The following ABLIM2 variants were observed in gnomAD, a reference collection of about 807,000 sequenced individuals.
ABLIM2 encodes actin binding LIM protein family member 2.
In ABLIM2, 53 loss-of-function variants were observed where a neutral mutation model predicts 97.7. The ratio of observed to expected loss-of-function variants is 0.54; its 90% CI spans 0.44 to 0.68. The LOEUF is 0.68. Among genes scored for constraint, ABLIM2 ranks in the 30% least tolerant of loss-of-function variants. The probability of loss-of-function intolerance (pLI) is 0.00; values close to 1 mark genes in which losing one functional copy is unlikely to be tolerated. For synonymous variants in ABLIM2, 361 were observed against 345.8 expected (o/e 1.04, Z -0.49); for missense variants, 835 against 867.2 (o/e 0.96, Z 0.47).
intron 17 of ABLIM2, among the ~76,000 whole-genome samples, chr4:7,989,025 T>G (rs1156373919): frequency 1.3e-5 from 2 of 151,878 alleles, no homozygotes; most frequent in Non-Finnish European, 2.9e-5. Flanking sequence ...TTGTACTATT[T>G]AATTTTTCTG....
intron 1 of ABLIM2, among the ~76,000 whole-genome samples, chr4:8,111,183 A>C (rs114114893): frequency 1.6e-3 from 243 of 152,358 alleles, no homozygotes; most frequent in African/African-American, 5.7e-3. Flanking sequence ...GCATGCCATC[A>C]CACCATGAGA....
intron 1 of ABLIM2, among the ~76,000 whole-genome samples, chr4:8,142,352 C>T (rs939175263): frequency 6.6e-6 from 1 of 152,132 alleles, no homozygotes; most frequent in African/African-American, 2.4e-5. Context: ...CCAACATCAC[C>T]CCTGGGGCCA....
rs967879151 is a variant in ABLIM2, at chr4:8,082,504, A to G, written c.455-1702T>C. ...AGAGGCTGCTTCCCTGCGTGGCTTCATTAGTTTCTTTTGGCAGAGACCTGA... is the reference window on the plus strand; with the variant it reads ...AGAGGCTGCTTCCCTGCGTGGCTTCGTTAGTTTCTTTTGGCAGAGACCTGA... On this transcript the variant is annotated intron_variant, in intron 4 of 20. Transcript: ENST00000447017. The surrounding 1 kb of genome is among the most constrained non-coding windows in gnomAD (Gnocchi z 5.6). 6.6e-5 allele frequency among the ~76,000 whole-genome samples: 10 copies of G among 152,218 alleles called. No individual in the cohort carries two copies. The highest frequency in any genetic ancestry group is 3.3e-4 in the Admixed American group (5 of 15,282).
In ABLIM2 at chr4:8,003,706, C is replaced by A. The variant is rs1053624240; in HGVS notation, c.1618+4353G>T. On this transcript the variant is annotated intron_variant, in intron 16 of 20. Transcript: ENST00000447017. This position sits in a 1 kb window ranked among gnomAD's most constrained non-coding sequence, Gnocchi z 4.2. ...TCAGCCTCCCAAGTAGCTGAGATTA[C>A]AGGTATCCTCCACCATGCCTGGCTG... 6.6e-6 allele frequency among the ~76,000 whole-genome samples: 1 copy of A among 151,906 alleles called. No individual in the cohort carries two copies. The highest frequency in any genetic ancestry group is 1.5e-5 in the Non-Finnish European group (1 of 67,998).
At chr4:8,117,448 C>T (rs901872293) in intron 1 of ABLIM2, among the ~76,000 whole-genome samples, 1 of 151,726 alleles carries the variant, frequency 6.6e-6, no homozygotes, top group African/African-American at 2.4e-5. Flanking sequence ...CCACCCACTG[C>T]AGACTCCACC....
At position 8,069,464 on chromosome 4, in the gene ABLIM2, C is replaced by T. The variant is rs184382908; in HGVS notation, c.675+8164G>A. On this transcript the variant is annotated intron_variant, in intron 6 of 20. Coordinates refer to ENST00000447017, the MANE Select transcript of ABLIM2 (RefSeq NM_001130083.2). This position sits in a 1 kb window ranked among gnomAD's most constrained non-coding sequence, Gnocchi z 4.2. ...GGACCAGGGGACGCAAGGGAGGACA[C>T]GACAGGCCAGCGTGGAAGGGTAGGA... 5.7e-3 allele frequency among the ~76,000 whole-genome samples: 870 copies of T among 152,334 alleles called. 6 individuals carry two copies. The highest frequency in any genetic ancestry group is 9.5e-3 in the Non-Finnish European group (644 of 68,040).
chr4:8,026,752 G>C (rs1275228466), intron 12 of ABLIM2, among the ~76,000 whole-genome samples: 2 of 152,246 alleles, frequency 1.3e-5, no homozygotes, highest in Admixed American at 1.3e-4. Context: ...CAGTGCTGGA[G>C]GCTGCACATC....
intron 1 of ABLIM2, among the ~76,000 whole-genome samples, chr4:8,146,123 ACCACCAG>A (rs1359939846): frequency 1.3e-5 from 2 of 152,206 alleles, no homozygotes; most frequent in Non-Finnish European, 2.9e-5. Flanking sequence ...TTCTTCGTCT[ACCACCAG>A]CCTTCACATA....
At chr4:8,098,308 C>T (rs1832737121) in intron 2 of ABLIM2, among the ~76,000 whole-genome samples, 2 of 152,244 alleles carry the variant, frequency 1.3e-5, no homozygotes, top group African/African-American at 4.8e-5. Context: ...ATGTAGCCCT[C>T]ATACATTTTA....
Position 8,106,495 on chromosome 4 carries a change from T to C in ABLIM2, c.153A>G (p.Lys51=). 1 of 1,593,582 alleles carries C rather than the reference T, an allele frequency of 6.3e-7. No homozygotes were observed. The highest frequency in any genetic ancestry group is 1.1e-5 in the South Asian group (1 of 87,546). The change falls in exon 2 of 21, where the codon AAA becomes AAG. Residue 51 remains lysine, a splice_region_variant and synonymous_variant. Coordinates refer to ENST00000447017, the MANE Select transcript of ABLIM2 (RefSeq NM_001130083.2). ...TGCAGGGGACCGGGGGACACTCACC[T>C]TTACAGACGAAGCACTTGATGTGGA... The part of the protein sequence containing the change: ...KYFHIKCFVC[K]ACGCDLAEGG...
intron 5 of ABLIM2, among the ~76,000 whole-genome samples, chr4:8,078,194 C>G (rs938553718): frequency 5.3e-5 from 8 of 152,240 alleles, no homozygotes; most frequent in African/African-American, 1.9e-4. Flanking sequence ...CAAGACTTTA[C>G]TGTCCCCCCT....
chr4:8,017,410 C>T (rs1770195111), intron 14 of ABLIM2, among the ~76,000 whole-genome samples: 1 of 152,018 alleles, frequency 6.6e-6, no homozygotes, highest in African/African-American at 2.4e-5. Flanking sequence ...CCTCAGCCTC[C>T]CGAGTAGCTG....
In ABLIM2 at chr4:8,085,084, C is replaced by G. The variant is rs1194343070; in HGVS notation, c.454+3085G>C. On this transcript the variant is annotated intron_variant, in intron 4 of 20. Transcript: ENST00000447017. The surrounding 1 kb of genome is among the most constrained non-coding windows in gnomAD (Gnocchi z 6.1). ...TGTTCGCTGCTCCTTCTGGAAGAAG[C>G]CTGTGCGGCCCACCCTAAAGGATTT... is the stretch of plus-strand genomic sequence containing the variant. Among the ~76,000 whole-genome samples the G allele has an allele frequency of 2.6e-5, 4 of 152,200 alleles. No homozygotes were observed. Among genetic ancestry groups the G allele is most frequent in the Non-Finnish European group, 5.9e-5 (4 of 68,030 alleles).
chr4:8,131,166 A>C (rs1849299701), intron 1 of ABLIM2, among the ~76,000 whole-genome samples: 1 of 152,200 alleles, frequency 6.6e-6, no homozygotes, highest in African/African-American at 2.4e-5. Context: ...CACATAAGGC[A>C]ATATTCACAG....
Position 8,001,660 on chromosome 4 carries a change from C to A in ABLIM2, c.1618+6399G>T, listed in dbSNP as rs1450314763. On this transcript the variant is annotated intron_variant, in intron 16 of 20. Coordinates refer to ENST00000447017, the MANE Select transcript of ABLIM2 (RefSeq NM_001130083.2). This position sits in a 1 kb window ranked among gnomAD's most constrained non-coding sequence, Gnocchi z 4.2. ...CTGTGGCCCCAGCTGGCCACTCCTCCCTAACAGCCTCTGTATAGAGGGACC... is the reference window on the plus strand; with the variant it reads ...CTGTGGCCCCAGCTGGCCACTCCTCACTAACAGCCTCTGTATAGAGGGACC... Among the ~76,000 whole-genome samples the A allele has an allele frequency of 6.6e-6, 1 of 152,130 alleles. No individual in the cohort carries two copies. The highest frequency in any genetic ancestry group is 1.5e-5 in the Non-Finnish European group (1 of 67,994).
chr4:8,029,057 T>G (rs183430658), intron 11 of ABLIM2, among the ~76,000 whole-genome samples: 19 of 151,772 alleles, frequency 1.3e-4, no homozygotes, highest in Admixed American at 1.1e-3. Context: ...CTACAGGGAT[T>G]GATACACAGC....
Position 8,054,846 on chromosome 4 carries a change from C to A in ABLIM2, c.764-600G>T, listed in dbSNP as rs1449752575. 6.6e-6 allele frequency among the ~76,000 whole-genome samples: 1 copy of A among 152,052 alleles called. No homozygotes were observed. The highest frequency in any genetic ancestry group is 2.4e-5 in the African/African-American group (1 of 41,378). ...GGAGCTGGGCACAAGGCTCAAACAC[C>A]AGCCCCACCCTGTTACTAATTTACT... On this transcript the variant is annotated intron_variant, in intron 7 of 20. Transcript: ENST00000447017. The surrounding 1 kb of genome is among the most constrained non-coding windows in gnomAD (Gnocchi z 4.9).
rs1813314498 is a variant in ABLIM2 at position 8,072,981 on chromosome 4, G to A, written c.675+4647C>T. 6.6e-6 allele frequency among the ~76,000 whole-genome samples: 1 copy of A among 152,154 alleles called. No homozygotes were observed. Among genetic ancestry groups the A allele is most frequent in the Non-Finnish European group, 1.5e-5 (1 of 68,030 alleles). ...GAGAGTACAGGTGGAGGAGCACAGA[G>A]AGGGTCTCTGAGAGGCAGTGGGGCC... On this transcript the variant is annotated intron_variant, in intron 6 of 20. Transcript: ENST00000447017. This position sits in a 1 kb window ranked among gnomAD's most constrained non-coding sequence, Gnocchi z 5.8.
chr4:8,086,211 A>G (rs1203714299), intron 4 of ABLIM2, among the ~76,000 whole-genome samples: 1 of 151,670 alleles, frequency 6.6e-6, no homozygotes, highest in Non-Finnish European at 1.5e-5. Flanking sequence ...TGAAAATGCA[A>G]ATTTGATATT....
Sources: allele counts gnomAD v4.1 joint callset (sites outside exome capture counted in the v4.1 genomes callset), GRCh38; gene constraint gnomAD v4.1.1; non-coding constraint Gnocchi (gnomAD v3.1); transcripts MANE v1.5; gene names NCBI Gene and HGNC (gene_info 2026-07-23, HGNC 2026-07-21).